The following TRAFD1 variants were observed in gnomAD, a reference collection of about 807,000 sequenced individuals.
TRAFD1 encodes the protein TRAF-type zinc finger domain containing 1.
A neutral mutation model predicts 65.3 loss-of-function variants in TRAFD1; 38 were observed. That is an observed-to-expected ratio of 0.58 (90% CI 0.45 to 0.76). TRAFD1 has a LOEUF of 0.76. Among genes scored for constraint, TRAFD1 ranks in the 30% least tolerant of loss-of-function variants. The pLI is 0.00. For missense variants in TRAFD1, 631 were observed against 712.6 expected, an observed-to-expected ratio of 0.89 and a Z score of 1.30; for synonymous variants, 223 against 257.2, an observed-to-expected ratio of 0.87 and a Z score of 1.27.
At chr12:112,146,576 T>A (rs1253701551) in intron 7 of TRAFD1, among the ~76,000 whole-genome samples, 1 of 152,242 alleles carries the variant, frequency 6.6e-6, no homozygotes, top group East Asian at 1.9e-4. Context: ...TTCTGCACAT[T>A]ACTTTATCTA....
In TRAFD1 at chr12:112,148,217, C is replaced by A. The variant is rs763261369; in HGVS notation, c.1071C>A (p.Ser357Arg). The A allele has an allele frequency of 1.9e-6, 3 of 1,614,160 alleles. No homozygotes were observed. Among genetic ancestry groups the A allele is most frequent in the Middle Eastern group, 1.6e-4 (1 of 6,062 alleles). Residue 357 changes from serine (S) to arginine (R), a missense_variant, in exon 8 of 12, where the codon AGC (serine) becomes AGA (arginine). By Grantham distance (110) the Ser-to-Arg change is moderately radical. Transcript: ENST00000412615. ...SNQLDSLMGL[S>R]NSHPVEESII... ...AGTTAGACTCTTTGATGGGCCTGAGCAATTCACACCCTGTGGAGGAGAGCA... is the reference window on the plus strand; with the variant it reads ...AGTTAGACTCTTTGATGGGCCTGAGAAATTCACACCCTGTGGAGGAGAGCA...
chr12:112,142,204 A>C lies in TRAFD1; in HGVS notation c.759A>C (p.Gln253His). The C allele has an allele frequency of 6.2e-7, 1 of 1,614,030 alleles. No individual in the cohort carries two copies. The highest frequency in any genetic ancestry group is 8.5e-7 in the Non-Finnish European group (1 of 1,179,988). The change falls in exon 6 of 12, where the codon CAA becomes CAC. Residue 253 changes from glutamine (Q) to histidine (H), a missense_variant. By Grantham distance (24) the Gln-to-His change is conservative. Transcript: ENST00000412615. ...MLALSLQNEG[Q>H]ASSVAEQDFW... ...CCCTAAGTCTGCAAAATGAAGGCCAAGCCTCCAGTGTGGCAGAGCAGGACT... is the reference window on the plus strand; with the variant it reads ...CCCTAAGTCTGCAAAATGAAGGCCACGCCTCCAGTGTGGCAGAGCAGGACT...
chr12:112,139,204 G>A (rs991147133), intron 4 of TRAFD1, among the ~76,000 whole-genome samples: 5 of 151,808 alleles, frequency 3.3e-5, no homozygotes, highest in African/African-American at 7.3e-5. Flanking sequence ...AAAAAACCTA[G>A]CTAGGCATGA....
Position 112,130,228 on chromosome 12 carries a change from T to A in TRAFD1, c.-12-283T>A, listed in dbSNP as rs544228807. On this transcript the variant is annotated intron_variant, in intron 1 of 11. Transcript: ENST00000412615. This position sits in a 1 kb window ranked among gnomAD's most constrained non-coding sequence, Gnocchi z 4.4. ...CTCAAGTGATCCGCCTGCCTCGGCC[T>A]CCCAAAGTACTGAGATTACAGGCAT... Among the ~76,000 whole-genome samples the A allele has an allele frequency of 6.6e-6, 1 of 152,148 alleles. No individual in the cohort carries two copies. Among genetic ancestry groups the A allele is most frequent in the East Asian group, 1.9e-4 (1 of 5,184 alleles).
chr12:112,152,309 G>T lies in TRAFD1; in HGVS notation c.1620-118G>T. The T allele has an allele frequency of 2.1e-6, 3 of 1,458,304 alleles. No individual in the cohort carries two copies. Among genetic ancestry groups the T allele is most frequent in the Non-Finnish European group, 2.8e-6 (3 of 1,071,252 alleles). 90.3% of individuals were successfully genotyped at this position (1,458,304 alleles called of 1,614,324 possible). ...CCTGACTCCAAAAAAATTATTTTGTGGCCTATGGGTTTTTTGGGGTTTGTC... is the reference window on the plus strand; with the variant it reads ...CCTGACTCCAAAAAAATTATTTTGTTGCCTATGGGTTTTTTGGGGTTTGTC... On this transcript the variant is annotated intron_variant, in intron 10 of 11. Coordinates refer to ENST00000412615, the MANE Select transcript of TRAFD1 (RefSeq NM_006700.3). This position sits in a 1 kb window ranked among gnomAD's most constrained non-coding sequence, Gnocchi z 5.0.
chr12:112,150,106 A>G (rs2030361041), intron 9 of TRAFD1, among the ~76,000 whole-genome samples: 1 of 152,208 alleles, frequency 6.6e-6, no homozygotes, highest in Admixed American at 6.5e-5. Flanking sequence ...AGATACATGT[A>G]GTAGTAAGTG....
At chr12:112,148,471 C>CCGCA (rs1350122771) in intron 8 of TRAFD1, among the ~76,000 whole-genome samples, 167 bp downstream of exon 8, 6 of 152,238 alleles carry the variant, frequency 3.9e-5, no homozygotes, top group African/African-American at 1.4e-4. Flanking sequence ...GTAACCAATA[C>CCGCA]CGCAGGCTTT....
At chr12:112,148,383 C>A in intron 8 of TRAFD1, 79 bp downstream of exon 8, 1 of 1,247,822 alleles carries the variant, frequency 8.0e-7, no homozygotes, top group Non-Finnish European at 1.1e-6. Flanking sequence ...ACTTCCTTAG[C>A]CTTTAAGTTG....
At chr12:112,143,535 A>G (rs2030148694) in intron 6 of TRAFD1, among the ~76,000 whole-genome samples, 3 of 151,256 alleles carry the variant, frequency 2.0e-5, no homozygotes, top group Admixed American at 2.0e-4. Context: ...ATTCTGGGTA[A>G]TTTCTTATCG....
chr12:112,133,024 A>C (rs1384284833), intron 2 of TRAFD1: 1 of 152,212 alleles, frequency 6.6e-6, no homozygotes, highest in Non-Finnish European at 1.5e-5. Context: ...AATAAGTAAA[A>C]GTAAGGCCTT....
intron 2 of TRAFD1, 30 bp from the exon 3 acceptor site, chr12:112,134,708 C>T: frequency 6.2e-7 from 1 of 1,603,352 alleles, no homozygotes; most frequent in East Asian, 2.2e-5. Flanking sequence ...GTCAGTAATG[C>T]TTGCCTTTTT....
At chr12:112,133,590 T>C (rs1169800943) in intron 2 of TRAFD1, among the ~76,000 whole-genome samples, 1 of 152,204 alleles carries the variant, frequency 6.6e-6, no homozygotes. Flanking sequence ...TTTTGGCATC[T>C]GACTTCATGT....
In TRAFD1 at chr12:112,152,544, A is replaced by G; in HGVS notation, c.1692+45A>G. The G allele has an allele frequency of 6.2e-7, 1 of 1,611,302 alleles. No individual in the cohort carries two copies. Among genetic ancestry groups the G allele is most frequent in the South Asian group, 1.1e-5 (1 of 90,998 alleles). On this transcript the variant is annotated intron_variant, in intron 11 of 11. Transcript: ENST00000412615. The surrounding 1 kb of genome is among the most constrained non-coding windows in gnomAD (Gnocchi z 5.0). ...ATGATGCTCAGTGGGGGACTCAGAC[A>G]TGGTGGGGCTTGTGTGGCTCCTGAA...
chr12:112,151,865 T>C lies in TRAFD1; in HGVS notation c.1344T>C (p.Cys448=). The part of the protein sequence containing the change: ...KQETANGPTS[C]LPPSRPINNM... ...AAACAGCTAATGGGCCCACCTCCTGTCTGCCTCCCAGCCGACCCATTAACA... is the reference window on the plus strand; with the variant it reads ...AAACAGCTAATGGGCCCACCTCCTGCCTGCCTCCCAGCCGACCCATTAACA... The change falls in exon 10 of 12, where the codon TGT becomes TGC. Residue 448 remains cysteine (C), a synonymous_variant. Coordinates refer to ENST00000412615, the MANE Select transcript of TRAFD1 (RefSeq NM_006700.3). The C allele has an allele frequency of 1.2e-6, 2 of 1,614,224 alleles. No homozygotes were observed. Among genetic ancestry groups the C allele is most frequent in the Non-Finnish European group, 1.7e-6 (2 of 1,180,040 alleles).
At chr12:112,132,173 A>T (rs2079568750) in intron 2 of TRAFD1, among the ~76,000 whole-genome samples, 1 of 152,324 alleles carries the variant, frequency 6.6e-6, no homozygotes, top group African/African-American at 2.4e-5. Flanking sequence ...GCATTTGTAC[A>T]TACATGATTT....
intron 9 of TRAFD1, among the ~76,000 whole-genome samples, chr12:112,151,048 G>A (rs1343924917): frequency 6.6e-6 from 1 of 151,952 alleles, no homozygotes; most frequent in Non-Finnish European, 1.5e-5. Context: ...GACCAGCCTG[G>A]CTGACATCAT....
In TRAFD1 at chr12:112,151,866, C is replaced by T; in HGVS notation, c.1345C>T (p.Leu449=). The part of the protein sequence containing the change: ...QETANGPTSC[L]PPSRPINNMT... ...AACAGCTAATGGGCCCACCTCCTGT[C>T]TGCCTCCCAGCCGACCCATTAACAA... is the stretch of plus-strand genomic sequence containing the variant. The change falls in exon 10 of 12, where the codon CTG becomes TTG. Residue 449 remains leucine (L), a synonymous_variant. Coordinates refer to ENST00000412615, the MANE Select transcript of TRAFD1 (RefSeq NM_006700.3). 6.2e-7 allele frequency: 1 copy of T among 1,614,230 alleles called. No individual in the cohort carries two copies. The highest frequency in any genetic ancestry group is 8.5e-7 in the Non-Finnish European group (1 of 1,180,032).
rs1050487327 is a variant in TRAFD1, at chr12:112,138,827, C to T, written c.238-1992C>T. On this transcript the variant is annotated intron_variant, in intron 4 of 11. Transcript: ENST00000412615. The stretch of plus-strand genomic sequence containing the variant: ...GAGTCGAAATCATGCCATTGTACTC[C>T]AGCCTGGGCAACAGAAGCGAACTCC... Among the ~76,000 whole-genome samples the T allele has an allele frequency of 2.7e-5, 4 of 147,232 alleles. No homozygotes were observed. In the South Asian group the frequency reaches 8.6e-4, roughly 32 times the overall value.
intron 7 of TRAFD1, among the ~76,000 whole-genome samples, chr12:112,146,376 G>A (rs75147101): frequency 4.9e-4 from 75 of 151,980 alleles, no homozygotes; most frequent in African/African-American, 1.4e-3. Flanking sequence ...AAAAAAAAGG[G>A]GGGGGCAGGG....
Sources: gnomAD v4.1 joint callset for allele counts (sites outside exome capture counted in the v4.1 genomes callset) on GRCh38, gnomAD v4.1.1 for gene constraint, Gnocchi (gnomAD v3.1) non-coding constraint, MANE v1.5 for transcripts, NCBI Gene and HGNC (gene_info 2026-07-23, HGNC 2026-07-21) for gene names.